TRIM14: variants seen among roughly 807,000 people sequenced by gnomAD.
TRIM14 encodes tripartite motif containing 14.
A neutral mutation model predicts 44.5 loss-of-function variants in TRIM14; 28 were observed. The ratio of observed to expected loss-of-function variants is 0.63; its 90% CI spans 0.47 to 0.86. The LOEUF is 0.86. Among genes scored for constraint, TRIM14 ranks in the 40% least tolerant of loss-of-function variants. TRIM14 has a pLI of 0.00. For synonymous variants in TRIM14, 299 were observed against 269.2 expected, an observed-to-expected ratio of 1.11 and a Z score of -1.08; for missense variants, 607 against 611.1, an observed-to-expected ratio of 0.99 and a Z score of 0.07.
At chr9:98,050,601 C>A in the TRIM14 span, among the ~76,000 whole-genome samples, 1 of 152,098 alleles carries the variant, frequency 6.6e-6, no homozygotes, top group Admixed American at 6.6e-5. Flanking sequence ...ACAATGGCCT[C>A]CCCTAATTTT....
chr9:98,083,401 C>G (rs2118083667), downstream of TRIM14, among the ~76,000 whole-genome samples: 1 of 152,372 alleles, frequency 6.6e-6, no homozygotes, highest in East Asian at 1.9e-4. Flanking sequence ...CATGTCCTTT[C>G]CTTTAAGCCT....
chr9:98,091,867 T>C (rs755103833), intron 5 of TRIM14, 42 bp downstream of exon 5: 6 of 1,382,098 alleles, frequency 4.3e-6, no homozygotes, highest in Admixed American at 2.3e-5. Flanking sequence ...CATCCCACCA[T>C]CTCCACCGTC....
At chr9:98,065,548 A>G (rs566492857), downstream of TRIM14, among the ~76,000 whole-genome samples, 44 of 124,006 alleles carry the variant, frequency 3.5e-4, 1 homozygote, top group African/African-American at 1.4e-3. Flanking sequence ...CATGTTGGCC[A>G]GGCTGGTCTC....
the TRIM14 span, among the ~76,000 whole-genome samples, chr9:98,039,047 T>TAAA: frequency 7.0e-6 from 1 of 142,574 alleles, no homozygotes; most frequent in Admixed American, 7.0e-5. Flanking sequence ...AGACTACGTC[T>TAAA]AAAAAAAAAA....
At chr9:98,043,184 T>TC in the TRIM14 span, among the ~76,000 whole-genome samples, 8 of 147,930 alleles carry the variant, frequency 5.4e-5, no homozygotes, top group African/African-American at 1.7e-4. Flanking sequence ...AAATTTGCAT[T>TC]TTTTTTTTTT....
the TRIM14 span, among the ~76,000 whole-genome samples, chr9:98,056,388 A>T: frequency 1.3e-5 from 2 of 152,074 alleles, no homozygotes; most frequent in Non-Finnish European, 1.5e-5. Context: ...TGTTTTTTCC[A>T]TTACACCATA....
the TRIM14 span, among the ~76,000 whole-genome samples, chr9:98,059,865 T>C: frequency 2.3e-3 from 346 of 152,284 alleles, no homozygotes; most frequent in African/African-American, 8.0e-3. Flanking sequence ...GAAAATGTCA[T>C]GGAGAAAAGC....
chr9:98,089,761 A>G (rs1371555963), intron 5 of TRIM14, among the ~76,000 whole-genome samples: 4 of 152,182 alleles, frequency 2.6e-5, no homozygotes, highest in South Asian at 2.1e-4. Flanking sequence ...AATGAGTCAT[A>G]TAGACCCCCA....
intron 6 of TRIM14, among the ~76,000 whole-genome samples, chr9:98,072,444 C>T (rs962945172): frequency 4.4e-4 from 67 of 150,848 alleles, no homozygotes; most frequent in African/African-American, 1.5e-3. Context: ...CGGAGTCTCG[C>T]TGTGTCGCCC....
intron 1 of TRIM14, among the ~76,000 whole-genome samples, chr9:98,112,504 A>C (rs1448723743): frequency 6.6e-6 from 1 of 152,190 alleles, no homozygotes; most frequent in Non-Finnish European, 1.5e-5. Context: ...AAATTGGTTA[A>C]AATGAGAAGG....
At position 98,100,107 on chromosome 9, in the gene TRIM14, G is replaced by A. The variant is rs777654902; in HGVS notation, c.361C>T (p.Leu121=). 1.7e-5 allele frequency: 28 copies of A among 1,614,062 alleles called. No individual in the cohort carries two copies. The highest frequency in any genetic ancestry group is 2.3e-5 in the Non-Finnish European group (27 of 1,180,056). The change falls in exon 3 of 6, where the codon CTA becomes TTA. Residue 121 remains leucine, a synonymous_variant. Transcript: ENST00000341469. ...LKGKFTELRL[L]LDEEEALAKK... ...GCCAGCGCTTCCTCTTCGTCAAGTA[G>A]TAATCTGAGTTCAGTGAATTTCCCC... is the stretch of plus-strand genomic sequence containing the variant.
the TRIM14 span, among the ~76,000 whole-genome samples, chr9:98,055,120 A>T: frequency 6.6e-6 from 1 of 152,130 alleles, no homozygotes; most frequent in Non-Finnish European, 1.5e-5. Flanking sequence ...CCCAGGTTTA[A>T]GCGATTCTCC....
At position 98,087,400 on chromosome 9, in the gene TRIM14, T is replaced by G. The variant is rs78845704; in HGVS notation, c.*70A>C. The G allele has an allele frequency of 0.079, 126,674 of 1,608,166 alleles. 6,426 individuals carry two copies. The highest frequency in any genetic ancestry group is 0.27 in the East Asian group (12,085 of 44,800). ...CAGGCAGTAAGGGGACCAGCCACGC[T>G]GATCTAGGTAGATTAGGCGAGACTG... On this transcript the variant is annotated 3_prime_UTR_variant, in exon 6 of 6. Transcript: ENST00000341469.
In TRIM14 at chr9:98,078,339, G is replaced by A. The variant is rs376804708; in HGVS notation, c.*29-8652C>T. ...CCAGCCTGAGGACGTCAACCTGCGG[G>A]TCATCTCGGTGAGCAGGAGGGAGGG... On this transcript the variant is annotated intron_variant, in intron 6 of 6. Transcript: ENST00000375098. 32 of 1,613,954 alleles carry A rather than the reference G, an allele frequency of 2.0e-5. No individual in the cohort carries two copies. In the African/African-American group the frequency reaches 2.7e-4, roughly 13 times the overall value.
rs1220517109 is a variant in TRIM14 at position 98,119,129 on chromosome 9, G to A, written c.60C>T (p.Cys20=). 1.3e-6 allele frequency: 2 copies of A among 1,586,772 alleles called. No individual in the cohort carries two copies. The highest frequency in any genetic ancestry group is 1.7e-6 in the Non-Finnish European group (2 of 1,175,868). ...CGCCATGCTCCGGGCAGCGCCAGCC[G>A]CATCCCTCGACAAGCTCCGACCTCC... ...TPGRSELVEG[C]GWRCPEHGDR... The change falls in exon 1 of 6, where the codon TGC becomes TGT. Residue 20 remains cysteine (C), a synonymous_variant. Transcript: ENST00000341469.
chr9:98,115,261 T>G (rs1354728700), intron 1 of TRIM14, among the ~76,000 whole-genome samples: 1 of 152,038 alleles, frequency 6.6e-6, no homozygotes, highest in Non-Finnish European at 1.5e-5. Context: ...GGCTAATTTT[T>G]CTTTCTGAGG....
At chr9:98,081,418 A>C, downstream of TRIM14, 1 of 254,936 alleles carries the variant, frequency 3.9e-6, no homozygotes, top group Non-Finnish European at 7.5e-6. Flanking sequence ...GGAATAAGTC[A>C]AGTCTGGGCT....
chr9:98,072,536 G>A (rs555180207), intron 6 of TRIM14, among the ~76,000 whole-genome samples: 60 of 151,662 alleles, frequency 4.0e-4, no homozygotes, highest in Non-Finnish European at 7.5e-4. Flanking sequence ...TCAGCCTCCC[G>A]AGTAGCTGGG....
intron 1 of TRIM14, among the ~76,000 whole-genome samples, chr9:98,110,603 A>C (rs1235484550): frequency 1.3e-5 from 2 of 152,076 alleles, no homozygotes; most frequent in East Asian, 3.9e-4. Context: ...TGCTGGGCCC[A>C]GATCTGGCTG....
Sources: allele counts gnomAD v4.1 joint callset (sites outside exome capture counted in the v4.1 genomes callset), GRCh38; gene constraint gnomAD v4.1.1; transcripts MANE v1.5; gene names NCBI Gene and HGNC (gene_info 2026-07-23, HGNC 2026-07-21).